CPZ: variants seen among roughly 807,000 people sequenced by gnomAD.
CPZ encodes the protein VEZT/CPZ fusion.
A neutral mutation model predicts 61.8 loss-of-function variants in CPZ; 103 were observed. The ratio of observed to expected loss-of-function variants is 1.67; its 90% CI spans 1.42 to 1.96. CPZ has a LOEUF of 1.96. Among genes scored for constraint, CPZ ranks in the 30% most tolerant of loss-of-function variants. The pLI, the probability that CPZ is intolerant of heterozygous loss-of-function variation, is 0.00. For synonymous variants in CPZ, 551 were observed against 373.7 expected (o/e 1.47, Z -5.47); for missense variants, 1,461 against 914.9 (o/e 1.60, Z -7.70).
At chr4:8,607,049 T>A (rs1032950937) in intron 6 of CPZ, 151 bp downstream of exon 6, 7 of 1,082,200 alleles carry the variant, frequency 6.5e-6, no homozygotes, top group Non-Finnish European at 9.1e-6. Context: ...TGGGAACACC[T>A]CCTTGCTGGG....
Position 8,606,634 on chromosome 4 carries a change from C to T in CPZ, c.907-103C>T, listed in dbSNP as rs565995491. 4.8e-5 allele frequency: 69 copies of T among 1,450,932 alleles called. No individual in the cohort carries two copies. In the South Asian group the frequency reaches 6.9e-4, roughly 14 times the overall value. 89.9% of individuals were successfully genotyped at this position (1,450,932 alleles called of 1,614,324 possible). ...CTCATCACATAAAGCCGGGGGAAAC[C>T]GCAGCCCCTGGCCTTGACCCTCAGC... On this transcript the variant is annotated intron_variant, in intron 5 of 10. Transcript: ENST00000360986.
At chr4:8,609,148 C>CCATTCACTCACT (rs71175493) in intron 7 of CPZ, among the ~76,000 whole-genome samples, 4 of 116,828 alleles carry the variant, frequency 3.4e-5, no homozygotes, top group Admixed American at 8.1e-5. Context: ...ACTCATTCAC[C>CCATTCACTCACT]CACTCCCTCA....
intron 6 of CPZ, 58 bp from the exon 7 acceptor site, chr4:8,607,209 T>G: frequency 3.2e-6 from 5 of 1,572,290 alleles, no homozygotes; most frequent in Non-Finnish European, 4.3e-6. Flanking sequence ...GCCCAGGGCA[T>G]GGCTGCGGGC....
At chr4:8,615,082 G>T (rs938888489) in intron 9 of CPZ, among the ~76,000 whole-genome samples, 1 of 152,064 alleles carries the variant, frequency 6.6e-6, no homozygotes, top group Admixed American at 6.5e-5. Context: ...AGGGTTTTGG[G>T]GCCTCAGAGT....
At chr4:8,606,637 A>C in intron 5 of CPZ, 100 bp from the exon 6 acceptor site, 2 of 1,464,970 alleles carry the variant, frequency 1.4e-6, no homozygotes, top group Non-Finnish European at 1.9e-6. Flanking sequence ...GGGAAACCGC[A>C]GCCCCTGGCC....
chr4:8,603,228 G>A (rs1237301569), intron 3 of CPZ: 1 of 152,438 alleles, frequency 6.6e-6, no homozygotes, highest in South Asian at 2.1e-4. Context: ...CTGTGGGCCT[G>A]ACTGCTGCAA....
chr4:8,619,615 T>C lies in CPZ; in HGVS notation c.1957T>C (p.Ter653GlnextTer39), dbSNP rs201944132. Residue 653 changes from the stop codon to glutamine (Q), a stop_lost, in exon 11 of 11, where the codon TAG becomes CAG. Transcript: ENST00000360986. The stretch of plus-strand genomic sequence containing the variant: ...CAGGCCACGCTGGCTGCTCAAGTAC[T>C]AGCCCCGGCCCCAGCACCCGCCAGG... ...THRPRWLLKY[*>Q] 1.3e-6 allele frequency: 2 copies of C among 1,492,748 alleles called. No individual in the cohort carries two copies. The highest frequency in any genetic ancestry group is 1.8e-6 in the Non-Finnish European group (2 of 1,122,658). The allele number at this position is 1,492,748 out of a possible 1,614,324, so 92.5% of individuals were successfully genotyped here.
At chr4:8,593,880 G>A (rs1013326456) in intron 1 of CPZ, among the ~76,000 whole-genome samples, 1 of 152,114 alleles carries the variant, frequency 6.6e-6, no homozygotes, top group Non-Finnish European at 1.5e-5. Flanking sequence ...TTTTCTACCC[G>A]CTGCGTGTGT....
intron 9 of CPZ, among the ~76,000 whole-genome samples, chr4:8,616,886 G>A (rs1184781794): frequency 6.6e-6 from 1 of 152,240 alleles, no homozygotes. Context: ...GAGCCCCAGA[G>A]GGCAGGGGGC....
rs550379055 is a variant in CPZ at position 8,606,157 on chromosome 4, C to T, written c.878C>T (p.Pro293Leu). ...TRIHLLPSMNPDGYEVAAAEG... is the reference protein window; with the variant it reads ...TRIHLLPSMNLDGYEVAAAEG... The stretch of plus-strand genomic sequence containing the variant: ...ATCCACCTGCTGCCCTCCATGAACC[C>T]TGACGGCTATGAGGTGGCAGCTGCC... The change falls in exon 5 of 11, where the codon CCT becomes CTT. Residue 293 changes from proline (P) to leucine (L), a missense_variant. Pro to Leu is a moderately conservative substitution (Grantham distance 98). Transcript: ENST00000360986. 45 of 1,614,134 alleles carry T rather than the reference C, an allele frequency of 2.8e-5. No homozygotes were observed. Among genetic ancestry groups the T allele is most frequent in the Admixed American group, 1.8e-4 (11 of 60,032 alleles).
intron 1 of CPZ, among the ~76,000 whole-genome samples, chr4:8,595,549 A>G (rs1298014306): frequency 2.6e-5 from 4 of 152,210 alleles, no homozygotes; most frequent in African/African-American, 9.6e-5. Flanking sequence ...CAGCTGGCAA[A>G]GGCCCAGCCA....
At chr4:8,596,296 C>T (rs955555806) in intron 1 of CPZ, among the ~76,000 whole-genome samples, 7 of 152,354 alleles carry the variant, frequency 4.6e-5, no homozygotes, top group African/African-American at 1.2e-4. Context: ...GTGATTCACC[C>T]GCCTAGGCCT....
At chr4:8,600,622 G>A (rs886504337) in intron 2 of CPZ, among the ~76,000 whole-genome samples, 1 of 152,250 alleles carries the variant, frequency 6.6e-6, no homozygotes, top group African/African-American at 2.4e-5. Flanking sequence ...CCTGCGAGCT[G>A]CAGAGCAGAG....
chr4:8,609,072 CCACTCATACA>C (rs1715322110), intron 7 of CPZ, among the ~76,000 whole-genome samples: 2 of 112,326 alleles, frequency 1.8e-5, no homozygotes, highest in Non-Finnish European at 4.0e-5. Flanking sequence ...CCCTCACTCA[CCACTCATACA>C]TTCACCCATT....
intron 7 of CPZ, chr4:8,611,252 C>G (rs1161873532): frequency 2.4e-5 from 11 of 456,298 alleles, no homozygotes; most frequent in South Asian, 1.7e-4. Flanking sequence ...CCTGACCCAC[C>G]AGGAGCCTCT....
rs759283768 is a variant in CPZ at position 8,619,370 on chromosome 4, T to G, written c.1712T>G (p.Met571Arg). The G allele has an allele frequency of 1.2e-6, 2 of 1,614,054 alleles. No homozygotes were observed. Among genetic ancestry groups the G allele is most frequent in the Non-Finnish European group, 1.7e-6 (2 of 1,180,028 alleles). ...VIKKVIIPAR[M>R]KRAGRVDFIL... ...AAGAAAGTCATCATCCCCGCCCGGATGAAGAGGGCTGGCCGTGTGGACTTC... is the reference window on the plus strand; with the variant it reads ...AAGAAAGTCATCATCCCCGCCCGGAGGAAGAGGGCTGGCCGTGTGGACTTC... The change falls in exon 11 of 11, where the codon ATG (methionine) becomes AGG (arginine). Residue 571 changes from methionine to arginine, a missense_variant. Physicochemically the swap from Met to Arg is moderately conservative, Grantham distance 91. Coordinates refer to ENST00000360986, the MANE Select transcript of CPZ (RefSeq NM_001014447.3).
At chr4:8,609,112 T>C (rs1560297842) in intron 7 of CPZ, among the ~76,000 whole-genome samples, 8 of 101,820 alleles carry the variant, frequency 7.9e-5, no homozygotes, top group African/African-American at 4.7e-4. Context: ...ACTCCCTTCC[T>C]CACTCCCTCA....
chr4:8,616,513 G>A (rs546761834), intron 9 of CPZ, among the ~76,000 whole-genome samples: 13 of 152,328 alleles, frequency 8.5e-5, no homozygotes, highest in African/African-American at 2.6e-4. Context: ...GACTGGGGCC[G>A]TGGGGCCCTG....
rs769914468 is a variant in CPZ at position 8,606,056 on chromosome 4, C to G, written c.777C>G (p.Ile259Met). Residue 259 changes from isoleucine to methionine, a missense_variant, in exon 5 of 11, where the codon ATC becomes ATG. By Grantham distance (10) the Ile-to-Met change is conservative. Transcript: ENST00000360986. ...GNEVAGREML[I>M]YLAQYLCSEY... ...AGGTGGCGGGCCGGGAGATGCTCAT[C>G]TACCTAGCCCAGTACCTGTGCTCTG... 4 of 1,614,180 alleles carry G rather than the reference C, an allele frequency of 2.5e-6. No individual in the cohort carries two copies. The highest frequency in any genetic ancestry group is 3.4e-6 in the Non-Finnish European group (4 of 1,180,000).
Sources: allele counts gnomAD v4.1 joint callset (sites outside exome capture counted in the v4.1 genomes callset), GRCh38; gene constraint gnomAD v4.1.1; transcripts MANE v1.5; gene names NCBI Gene and HGNC (gene_info 2026-07-23, HGNC 2026-07-21).